BMPR1A: variants seen among roughly 807,000 people sequenced by gnomAD.
The protein encoded by BMPR1A is bone morphogenetic protein receptor type-1A.
In BMPR1A, 7 loss-of-function variants were observed where a neutral mutation model predicts 66.0. That is an observed-to-expected ratio of 0.11 (90% CI 0.06 to 0.20). The LOEUF (loss-of-function observed/expected upper bound fraction) is 0.20, where lower values mean the gene tolerates loss of function less well. Among genes scored for constraint, BMPR1A ranks in the 10% least tolerant of loss-of-function variants. The probability of loss-of-function intolerance (pLI) is 1.00; values close to 1 mark genes in which losing one functional copy is unlikely to be tolerated. For missense variants in BMPR1A, 408 were observed against 669.1 expected (o/e 0.61, Z 4.31); for synonymous variants, 200 against 229.7 (o/e 0.87, Z 1.17).
At position 86,925,440 on chromosome 10, in the gene BMPR1A, C is replaced by T. The variant is rs1843726102; in HGVS notation, c.*1721C>T. 2 of 215,326 alleles carry T rather than the reference C, an allele frequency of 9.3e-6. No individual in the cohort carries two copies. Among genetic ancestry groups the T allele is most frequent in the Admixed American group, 1.2e-4 (2 of 17,210 alleles). 13.3% of individuals were successfully genotyped at this position (215,326 alleles called of 1,614,324 possible). On this transcript the variant is annotated 3_prime_UTR_variant, in exon 13 of 13. Transcript: ENST00000372037. The stretch of plus-strand genomic sequence containing the variant: ...AGGTTAAAACTTACAAATTTGTCTG[C>T]ACATCAAATTTCACAAATTTGAAAA...
intron 1 of BMPR1A, among the ~76,000 whole-genome samples, chr10:86,806,195 T>C (rs1841887684): frequency 6.6e-6 from 1 of 152,216 alleles, no homozygotes; most frequent in South Asian, 2.1e-4. Context: ...ATACTATGTC[T>C]GTCCTACCTG....
At chr10:86,756,216 A>C (rs181054687), upstream of BMPR1A, 2 of 152,250 alleles carry the variant, frequency 1.3e-5, no homozygotes, top group Non-Finnish European at 2.9e-5. Context: ...AGCGCCCGGC[A>C]GCCGTGTCCA....
At chr10:86,855,217 T>C (rs1483027046) in intron 2 of BMPR1A, 8 of 921,270 alleles carry the variant, frequency 8.7e-6, no homozygotes, top group East Asian at 2.9e-5. Context: ...CTAAGTTTTT[T>C]AACCAGAGAG....
chr10:86,869,397 C>T (rs1219401975), intron 2 of BMPR1A, among the ~76,000 whole-genome samples: 4 of 146,794 alleles, frequency 2.7e-5, no homozygotes, highest in African/African-American at 1.0e-4. Context: ...GTGAAGGTTG[C>T]AGTGAGCAGA....
chr10:86,874,229 T>G (rs1269043388), intron 2 of BMPR1A, among the ~76,000 whole-genome samples: 1 of 152,212 alleles, frequency 6.6e-6, no homozygotes, highest in Non-Finnish European at 1.5e-5. Context: ...CAATTTTACT[T>G]TGAGGCATTT....
chr10:86,769,454 C>G (rs1458439830), intron 1 of BMPR1A, among the ~76,000 whole-genome samples: 1 of 152,182 alleles, frequency 6.6e-6, no homozygotes, highest in Non-Finnish European at 1.5e-5. Flanking sequence ...TAGAATCAGA[C>G]TTTTCCTCAT....
At chr10:86,806,873 A>G (rs1031044599) in intron 1 of BMPR1A, among the ~76,000 whole-genome samples, 16 of 151,884 alleles carry the variant, frequency 1.1e-4, no homozygotes, top group Admixed American at 2.0e-4. Context: ...TCTGAGGTTC[A>G]TGTTGTCCCA....
chr10:86,761,766 G>A (rs1406401387), intron 1 of BMPR1A, among the ~76,000 whole-genome samples: 1 of 152,238 alleles, frequency 6.6e-6, no homozygotes, highest in Non-Finnish European at 1.5e-5. Flanking sequence ...ATGAGAGAAG[G>A]AATGGGATTG....
chr10:86,919,488 C>T lies in BMPR1A; in HGVS notation c.1166+19C>T, dbSNP rs1057522268. On this transcript the variant is annotated intron_variant, in intron 10 of 12. Transcript: ENST00000372037. Reference sequence around the variant, plus strand: ...TCAACAGGTGAGTGGTTCTTTGCCCCACTGTTTTGAAATTATTTTAATTTC... The same window carrying T: ...TCAACAGGTGAGTGGTTCTTTGCCCTACTGTTTTGAAATTATTTTAATTTC... 1.9e-6 allele frequency: 3 copies of T among 1,612,464 alleles called. No homozygotes were observed. The African/African-American group carries it at 4.0e-5, about 22-fold the overall frequency.
chr10:86,896,069 G>A (rs760722974), intron 5 of BMPR1A, among the ~76,000 whole-genome samples: 3 of 151,652 alleles, frequency 2.0e-5, no homozygotes, highest in African/African-American at 4.8e-5. Context: ...CAGGAGAATC[G>A]TTTGAACCCA....
chr10:86,930,038 A>G (rs750803003), downstream of BMPR1A: 1 of 152,250 alleles, frequency 6.6e-6, no homozygotes. Flanking sequence ...CTTGGAGCAT[A>G]CAGTCTTGAC....
intron 1 of BMPR1A, among the ~76,000 whole-genome samples, chr10:86,798,966 C>T (rs1279744142): frequency 6.6e-6 from 1 of 152,128 alleles, no homozygotes; most frequent in African/African-American, 2.4e-5. Context: ...TTTTGCAAGA[C>T]TTTGTTTTTA....
chr10:86,928,531 T>A (rs1263154677), downstream of BMPR1A: 1 of 152,084 alleles, frequency 6.6e-6, no homozygotes, highest in African/African-American at 2.4e-5. Flanking sequence ...GCCAAAACAT[T>A]GTTTTCTGAT....
intron 1 of BMPR1A, among the ~76,000 whole-genome samples, chr10:86,834,307 A>G (rs1842312219): frequency 6.6e-6 from 1 of 152,152 alleles, no homozygotes; most frequent in African/African-American, 2.4e-5. Context: ...AGTTCAGGTA[A>G]GTTAGATTTT....
downstream of BMPR1A, chr10:86,928,359 A>C (rs1843776716): frequency 6.6e-6 from 1 of 151,758 alleles, no homozygotes; most frequent in Admixed American, 6.6e-5. Context: ...AATAGCTGGA[A>C]CTACAGGTGT....
intron 7 of BMPR1A, among the ~76,000 whole-genome samples, chr10:86,908,625 G>T (rs746343813): frequency 6.6e-6 from 1 of 152,172 alleles, no homozygotes; most frequent in African/African-American, 2.4e-5. Flanking sequence ...CTCTTACCAC[G>T]TCATTGCACC....
rs531166690 is a variant in BMPR1A, at chr10:86,871,583, G to A, written c.-152-4284G>A. 2.4e-4 allele frequency among the ~76,000 whole-genome samples: 36 copies of A among 152,270 alleles called. No individual in the cohort carries two copies. In the East Asian group the frequency reaches 3.7e-3, roughly 16 times the overall value. ...TCCCAACACTTTGGGAGGTTTAGGC[G>A]GGTGGATTGCTTGAGTCCAGGAGTT... On this transcript the variant is annotated intron_variant, in intron 2 of 12. Transcript: ENST00000372037.
intron 7 of BMPR1A, among the ~76,000 whole-genome samples, chr10:86,904,347 A>G (rs1460911678): frequency 2.0e-5 from 3 of 152,240 alleles, no homozygotes; most frequent in Non-Finnish European, 4.4e-5. Context: ...AAATGAAACA[A>G]GAAGGAAAAA....
At chr10:86,902,199 T>A (rs1843321359) in intron 7 of BMPR1A, among the ~76,000 whole-genome samples, 1 of 152,158 alleles carries the variant, frequency 6.6e-6, no homozygotes, top group South Asian at 2.1e-4. Context: ...TATGCTTTTA[T>A]TTTTCTTTTA....
Sources: allele counts gnomAD v4.1 joint callset (sites outside exome capture counted in the v4.1 genomes callset), GRCh38; gene constraint gnomAD v4.1.1; transcripts MANE v1.5; gene names NCBI Gene and HGNC (gene_info 2026-07-23, HGNC 2026-07-21).